Variants in SRA1 observed in about 807,000 individuals in gnomAD.
The protein encoded by SRA1 is steroid receptor RNA activator 1.
A neutral mutation model predicts 24.3 loss-of-function variants in SRA1; 25 were observed. That is an observed-to-expected ratio of 1.03 (90% CI 0.75 to 1.43). The LOEUF is 1.43. Among genes scored for constraint, SRA1 ranks in the 40% most tolerant of loss-of-function variants. SRA1 has a pLI of 0.00. For synonymous variants in SRA1, 104 were observed against 109.5 expected (o/e 0.95, Z 0.31); for missense variants, 303 against 286.6 (o/e 1.06, Z -0.41).
Position 140,551,075 on chromosome 5 carries a change from G to A in SRA1, c.449C>T (p.Ala150Val), listed in dbSNP as rs1488590564. The change falls in exon 4 of 5, where the codon GCT (alanine) becomes GTT (valine). Residue 150 changes from alanine to valine, a missense_variant. By Grantham distance (64) the Ala-to-Val change is moderately conservative (BLOSUM62 0). Coordinates refer to ENST00000336283, the MANE Select transcript of SRA1 (RefSeq NM_001035235.4). ...CCCACCCATACCTTGCACCAGTAGA[G>A]CCATTCTCTTCTTTACAGGTATTGA... ...KLSIPVKKRM[A>V]LLVQELSSHR... 2 of 1,613,638 alleles carry A rather than the reference G, an allele frequency of 1.2e-6. No homozygotes were observed. The highest frequency in any genetic ancestry group is 8.5e-7 in the Non-Finnish European group (1 of 1,179,628).
rs375519604 is a variant in SRA1, at chr5:140,552,152, G to T, written c.184C>A (p.Pro62Thr). 18 of 1,608,226 alleles carry T rather than the reference G, an allele frequency of 1.1e-5. No individual in the cohort carries two copies. The highest frequency in any genetic ancestry group is 1.4e-5 in the Non-Finnish European group (17 of 1,177,496). The change falls in exon 3 of 5, where the codon CCA becomes ACA. Residue 62 changes from proline (P) to threonine (T), a missense_variant. By Grantham distance (38) the Pro-to-Thr change is conservative. Transcript: ENST00000336283. Reference sequence around the variant, plus strand: ...CTTGAAGGAGGTGGAGGCCCCATTGGGGGAGGCCCAGGAGAAGTCTCTGAT... The same window carrying T: ...CTTGAAGGAGGTGGAGGCCCCATTGTGGGAGGCCCAGGAGAAGTCTCTGAT... ...PASETSPGPPPMGPPPPSSKA... is the reference protein window; with the variant it reads ...PASETSPGPPTMGPPPPSSKA...
intron 2 of SRA1, among the ~76,000 whole-genome samples, chr5:140,552,606 T>C (rs961438296): frequency 1.3e-5 from 2 of 150,630 alleles, no homozygotes; most frequent in African/African-American, 4.9e-5. Flanking sequence ...TGAGCTGAGA[T>C]GGTGCCATTG....
At chr5:140,552,284 TATTC>T in intron 2 of SRA1, 100 bp from the exon 3 acceptor site, 2 of 887,472 alleles carry the variant, frequency 2.3e-6, no homozygotes, top group South Asian at 1.8e-5. Flanking sequence ...TGAGACAACT[TATTC>T]ATTCAAAAAT....
At position 140,550,832 on chromosome 5, in the gene SRA1, C is replaced by T. The variant is rs1436901627; in HGVS notation, c.543G>A (p.Gln181=). The T allele has an allele frequency of 1.9e-6, 3 of 1,614,080 alleles. No homozygotes were observed. In the African/African-American group the frequency reaches 4.0e-5, roughly 22 times the overall value. The change falls in exon 5 of 5, where the codon CAG becomes CAA. Residue 181 remains glutamine (Q), a synonymous_variant. Transcript: ENST00000336283. ...LMVDHVTEVS[Q]WMVGVKRLIA... is the part of the protein sequence containing the mutation. Reference sequence around the variant, plus strand: ...TTAATCTTTTAACTCCTACCATCCACTGACTGACCTCAGTCACATGGTCAA... The same window carrying T: ...TTAATCTTTTAACTCCTACCATCCATTGACTGACCTCAGTCACATGGTCAA...
intron 3 of SRA1, chr5:140,551,653 G>T: frequency 4.1e-6 from 1 of 245,794 alleles, no homozygotes; most frequent in East Asian, 9.1e-5. Context: ...CCCTAACTGG[G>T]CACAATATAA....
At chr5:140,553,742 T>G (rs1366030389) in intron 2 of SRA1, among the ~76,000 whole-genome samples, 1 of 152,126 alleles carries the variant, frequency 6.6e-6, no homozygotes, top group Non-Finnish European at 1.5e-5. Flanking sequence ...GAACACCAGT[T>G]GAGAGGTTGA....
At chr5:140,556,575 A>G (rs1754702200) in intron 2 of SRA1, among the ~76,000 whole-genome samples, 1 of 151,938 alleles carries the variant, frequency 6.6e-6, no homozygotes, top group Non-Finnish European at 1.5e-5. Flanking sequence ...ACCCAGTCAT[A>G]TTACATCACC....
intron 2 of SRA1, among the ~76,000 whole-genome samples, chr5:140,556,117 T>C (rs1754685601): frequency 6.6e-6 from 1 of 152,182 alleles, no homozygotes; most frequent in South Asian, 2.1e-4. Flanking sequence ...GAAGTCAGAG[T>C]TGCTGATTAA....
Position 140,550,732 on chromosome 5 carries a change from G to C in SRA1, c.643C>G (p.His215Asp), listed in dbSNP as rs768103582. 5.0e-6 allele frequency: 8 copies of C among 1,614,064 alleles called. No homozygotes were observed. The highest frequency in any genetic ancestry group is 8.5e-7 in the Non-Finnish European group (1 of 1,180,006). ...GCCTGCTGGAAGCCTGGTATGGTAT[G>C]GTTCTTCTCAGCTGTGGCTGCAGAT... The part of the protein sequence containing the change: ...EKSAATAEKN[H>D]TIPGFQQAS Residue 215 changes from histidine (H) to aspartate (D), a missense_variant, in exon 5 of 5, where the codon CAT (histidine) becomes GAT (aspartate). His to Asp is a moderately conservative substitution (Grantham distance 81). Coordinates refer to ENST00000336283, the MANE Select transcript of SRA1 (RefSeq NM_001035235.4).
chr5:140,551,790 A>T, intron 3 of SRA1, 192 bp downstream of exon 3: 2 of 535,906 alleles, frequency 3.7e-6, no homozygotes. Context: ...ATTGGTCTTC[A>T]AAAGTCTTAT....
Position 140,557,436 on chromosome 5 carries a change from A to T in SRA1, c.17T>A (p.Val6Glu). The T allele has an allele frequency of 6.4e-7, 1 of 1,567,900 alleles. No individual in the cohort carries two copies. Among genetic ancestry groups the T allele is most frequent in the Non-Finnish European group, 8.6e-7 (1 of 1,158,104 alleles). ...CCGCCGGCTGCGCTCACCCGGCTTC[A>T]CGTACAGCTCCGCCATCTCCACTTC... MAELY[V>E]KPGNKERGWN... The change falls in exon 1 of 5, where the codon GTG becomes GAG. Residue 6 changes from valine (V) to glutamate (E), a missense_variant. Val to Glu is a moderately radical substitution (Grantham distance 121). Transcript: ENST00000336283.
At position 140,552,113 on chromosome 5, in the gene SRA1, A is replaced by T; in HGVS notation, c.223T>A (p.Ser75Thr). The T allele has an allele frequency of 6.2e-7, 1 of 1,613,344 alleles. No individual in the cohort carries two copies. The highest frequency in any genetic ancestry group is 8.5e-7 in the Non-Finnish European group (1 of 1,179,674). The change falls in exon 3 of 5, where the codon TCC becomes ACC. Residue 75 changes from serine (S) to threonine (T), a missense_variant. Physicochemically the swap from Ser to Thr is moderately conservative, Grantham distance 58 (BLOSUM62 1). Transcript: ENST00000336283. ...PPPPSSKAPR[S>T]PPVGSGPASG... is the part of the protein sequence containing the mutation. ...GCAGGACCACTCCCCACAGGTGGGG[A>T]CCTGGGAGCCTTACTTGAAGGAGGT...
Position 140,550,541 on chromosome 5 carries a change from G to A in SRA1, c.*159C>T, listed in dbSNP as rs903775960. 112 of 677,276 alleles carry A rather than the reference G, an allele frequency of 1.7e-4. No individual in the cohort carries two copies. The highest frequency in any genetic ancestry group is 2.2e-4 in the Non-Finnish European group (83 of 379,994). The allele number at this position is 677,276 out of a possible 1,614,324, so 42.0% of individuals were successfully genotyped here. On this transcript the variant is annotated 3_prime_UTR_variant, in exon 5 of 5. Coordinates refer to ENST00000336283, the MANE Select transcript of SRA1 (RefSeq NM_001035235.4). ...ATGTTTTTATTGAAATGCATGTTAT[G>A]AGTAACACATGAACTCCCTCTGGCC...
At position 140,557,426 on chromosome 5, in the gene SRA1, A is replaced by G. The variant is rs748235120; in HGVS notation, c.25+2T>C. The stretch of plus-strand genomic sequence containing the variant: ...GTGCCCTAGCCCGCCGGCTGCGCTC[A>G]CCCGGCTTCACGTACAGCTCCGCCA... On this transcript the variant is annotated splice_donor_variant, in intron 1 of 4. Coordinates refer to ENST00000336283, the MANE Select transcript of SRA1 (RefSeq NM_001035235.4). LOFTEE classifies it high-confidence loss of function. The G allele has an allele frequency of 1.3e-5, 21 of 1,571,360 alleles. No homozygotes were observed. In the Admixed American group the frequency reaches 2.1e-4, roughly 15 times the overall value.
chr5:140,554,120 T>C (rs1280408143), intron 2 of SRA1, among the ~76,000 whole-genome samples: 1 of 152,130 alleles, frequency 6.6e-6, no homozygotes, highest in Non-Finnish European at 1.5e-5. Flanking sequence ...ATCACCCCCT[T>C]ACCCCTTCCA....
intron 2 of SRA1, among the ~76,000 whole-genome samples, chr5:140,553,610 G>T (rs998757352): frequency 2.0e-5 from 3 of 152,206 alleles, no homozygotes; most frequent in Admixed American, 6.5e-5. Context: ...GTTTGATCTT[G>T]AGTCAATGGT....
rs769668352 is a variant in SRA1 at position 140,557,148 on chromosome 5, T to G, written c.150A>C (p.Arg50Ser). 6.4e-7 allele frequency: 1 copy of G among 1,567,484 alleles called. No individual in the cohort carries two copies. The highest frequency in any genetic ancestry group is 1.1e-5 in the South Asian group (1 of 89,162). ...TCCGAGCACAGGGGCCCCACGCACC[T>G]CTGGGGGATCCATCCTGGGGTGCGG... ...RVAAPQDGSP[R>S]VPASETSPGP... Residue 50 changes from arginine (R) to serine (S), a missense_variant and splice_region_variant, in exon 2 of 5, where the codon AGA (arginine) becomes AGC (serine). Arg to Ser is a moderately radical substitution (Grantham distance 110). Transcript: ENST00000336283.
At chr5:140,555,600 A>G (rs557268811) in intron 2 of SRA1, among the ~76,000 whole-genome samples, 2 of 152,120 alleles carry the variant, frequency 1.3e-5, no homozygotes, top group Non-Finnish European at 2.9e-5. Context: ...TTGAAATGCT[A>G]GAGTGCCCTA....
chr5:140,557,504 T>C, upstream of SRA1: 1 of 1,537,290 alleles, frequency 6.5e-7, no homozygotes, highest in Non-Finnish European at 8.7e-7. Flanking sequence ...GGGCGGCCCC[T>C]CACGCGGGCC....
Sources: gnomAD v4.1 joint callset for allele counts (sites outside exome capture counted in the v4.1 genomes callset) on GRCh38, gnomAD v4.1.1 for gene constraint, MANE v1.5 for transcripts, NCBI Gene and HGNC (gene_info 2026-07-23, HGNC 2026-07-21) for gene names.